The following ZNF676 variants were observed in gnomAD, a reference collection of about 807,000 sequenced individuals.
The protein encoded by ZNF676 is zinc finger protein 676.
A neutral mutation model predicts 6.0 loss-of-function variants in ZNF676; 4 were observed. The observed-to-expected ratio is 0.67, with a 90% confidence interval of 0.33 to 1.53. ZNF676 has a LOEUF of 1.53. Ranked by LOEUF, ZNF676 falls within the 40% of genes most tolerant of loss-of-function variation. The pLI is 0.06. For missense variants in ZNF676, 644 were observed against 679.7 expected (o/e 0.95, Z 0.58); for synonymous variants, 198 against 223.1 (o/e 0.89, Z 1.00).
intron 1 of ZNF676, chr19:22,203,513 TTC>T (rs1465569660): frequency 6.6e-6 from 1 of 152,164 alleles, no homozygotes; most frequent in Non-Finnish European, 1.5e-5. Flanking sequence ...TAAGAAGAAT[TTC>T]TCTCCAAACA....
chr19:22,258,465 G>A, the ZNF676 span, among the ~76,000 whole-genome samples: 1 of 152,162 alleles, frequency 6.6e-6, no homozygotes, highest in African/African-American at 2.4e-5. Flanking sequence ...CTAGAAAAAA[G>A]AGAGGAATCA....
the ZNF676 span, among the ~76,000 whole-genome samples, chr19:22,253,096 C>G: frequency 3.9e-5 from 6 of 152,096 alleles, no homozygotes; most frequent in African/African-American, 1.2e-4. Context: ...GGAGTCAAAG[C>G]CTCACAGATA....
chr19:22,235,058 G>A, the ZNF676 span, among the ~76,000 whole-genome samples: 2 of 145,222 alleles, frequency 1.4e-5, no homozygotes, highest in Middle Eastern at 3.7e-3. Context: ...AGGCAGAAAG[G>A]CAGGAAGAAG....
the ZNF676 span, among the ~76,000 whole-genome samples, chr19:22,237,440 A>G: frequency 1.4e-5 from 2 of 143,196 alleles, no homozygotes; most frequent in East Asian, 2.0e-4. Context: ...ATCTGTTTAT[A>G]TAAATTAGAA....
the ZNF676 span, among the ~76,000 whole-genome samples, chr19:22,254,274 T>C: frequency 6.6e-6 from 1 of 151,966 alleles, no homozygotes; most frequent in African/African-American, 2.4e-5. Flanking sequence ...ATGCTCTCTG[T>C]GGGCACAGCC....
At chr19:22,190,664 T>TATATATATATATATAC (rs1157566142) in intron 2 of ZNF676, among the ~76,000 whole-genome samples, 5 of 111,808 alleles carry the variant, frequency 4.5e-5, no homozygotes, top group East Asian at 2.2e-4. Context: ...TATATATATA[T>TATATATATATATATAC]ACATACACAC....
At chr19:22,209,625 A>G (rs1414450395) in intron 1 of ZNF676, among the ~76,000 whole-genome samples, 1 of 152,122 alleles carries the variant, frequency 6.6e-6, no homozygotes, top group Non-Finnish European at 1.5e-5. Context: ...AAAGCTGCAC[A>G]TGTACCCCTG....
At chr19:22,197,931 G>A (rs1471519280), upstream of ZNF676, among the ~76,000 whole-genome samples, 6 of 152,104 alleles carry the variant, frequency 3.9e-5, no homozygotes, top group Non-Finnish European at 8.8e-5. Context: ...TAACCATAAG[G>A]AAACATTAGT....
chr19:22,257,841 C>G, the ZNF676 span, among the ~76,000 whole-genome samples: 1 of 152,094 alleles, frequency 6.6e-6, no homozygotes, highest in Non-Finnish European at 1.5e-5. Flanking sequence ...TGTCACAATG[C>G]CCTCAGGTGC....
the ZNF676 span, among the ~76,000 whole-genome samples, chr19:22,260,143 A>C: frequency 2.0e-5 from 3 of 152,146 alleles, no homozygotes; most frequent in Admixed American, 6.5e-5. Flanking sequence ...GATTCCCCAA[A>C]GTCAGAGGCT....
At chr19:22,258,413 T>C in the ZNF676 span, among the ~76,000 whole-genome samples, 2 of 152,050 alleles carry the variant, frequency 1.3e-5, no homozygotes, top group Admixed American at 6.5e-5. Context: ...AACCTTGGTG[T>C]TGGGCCCAGT....
chr19:22,249,914 T>C, the ZNF676 span, among the ~76,000 whole-genome samples: 3 of 151,946 alleles, frequency 2.0e-5, no homozygotes, highest in African/African-American at 7.2e-5. Context: ...CCAGGTGCAG[T>C]GGCTCACACC....
the ZNF676 span, among the ~76,000 whole-genome samples, chr19:22,233,433 A>G: frequency 1.1e-4 from 17 of 152,202 alleles, no homozygotes; most frequent in Non-Finnish European, 2.1e-4. Flanking sequence ...TTAAAAAGCT[A>G]CCTGTCACAA....
At chr19:22,194,136 T>C (rs1040392683) in intron 1 of ZNF676, among the ~76,000 whole-genome samples, 4 of 152,136 alleles carry the variant, frequency 2.6e-5, no homozygotes, top group Non-Finnish European at 5.9e-5. Context: ...TTACCACTGG[T>C]CTGCCTTAGC....
At chr19:22,197,767 T>TA (rs764188656), upstream of ZNF676, among the ~76,000 whole-genome samples, 54 of 152,126 alleles carry the variant, frequency 3.5e-4, 1 homozygote, top group Non-Finnish European at 5.3e-4. Context: ...AATTCCATAG[T>TA]AAAAAAATGT....
chr19:22,191,271 T>C (rs1349957360), intron 2 of ZNF676, among the ~76,000 whole-genome samples: 1 of 152,172 alleles, frequency 6.6e-6, no homozygotes, highest in Non-Finnish European at 1.5e-5. Context: ...GGTGGCAAAC[T>C]AGAGGACCCC....
chr19:22,184,597 C>T (rs2023806688), intron 2 of ZNF676, among the ~76,000 whole-genome samples: 1 of 152,026 alleles, frequency 6.6e-6, no homozygotes, highest in South Asian at 2.1e-4. Context: ...ACCATGGAGC[C>T]CAGCAAACTA....
At chr19:22,215,859 G>A (rs1052905185), upstream of ZNF676, among the ~76,000 whole-genome samples, 9 of 151,768 alleles carry the variant, frequency 5.9e-5, no homozygotes, top group Non-Finnish European at 1.0e-4. Flanking sequence ...ATTGGATAAT[G>A]TTTAAGGCCC....
chr19:22,207,320 T>C (rs2024085896), intron 1 of ZNF676, among the ~76,000 whole-genome samples: 1 of 152,042 alleles, frequency 6.6e-6, no homozygotes, highest in South Asian at 2.1e-4. Context: ...CAAATCCGAA[T>C]CGAAAACACA....
Sources: allele counts gnomAD v4.1 joint callset (sites outside exome capture counted in the v4.1 genomes callset), GRCh38; gene constraint gnomAD v4.1.1; transcripts MANE v1.5; gene names NCBI Gene and HGNC (gene_info 2026-07-23, HGNC 2026-07-21).